WDR72: variants seen among roughly 807,000 people sequenced by gnomAD.
WDR72 encodes the protein WD repeat domain 72.
In WDR72, 120 loss-of-function variants were observed where a neutral mutation model predicts 124.2. The observed-to-expected ratio is 0.97, with a 90% CI of 0.83 to 1.12. The LOEUF (loss-of-function observed/expected upper bound fraction) is 1.12, where lower values mean the gene tolerates loss of function less well. Among genes scored for constraint, WDR72 ranks in the 50% most tolerant of loss-of-function variants. The pLI, the probability that WDR72 is intolerant of heterozygous loss-of-function variation, is 0.00. For synonymous variants in WDR72, 452 were observed against 441.7 expected (o/e 1.02, Z -0.29); for missense variants, 1,387 against 1,278.8 (o/e 1.08, Z -1.29).
chr15:53,731,987 ATAAG>A (rs751437334), intron 2 of WDR72, among the ~76,000 whole-genome samples: 23 of 152,228 alleles, frequency 1.5e-4, no homozygotes, highest in Admixed American at 6.5e-5. Context: ...AACATTAAAA[ATAAG>A]TAAGATATTT....
chr15:53,641,415 A>C (rs528274709), intron 14 of WDR72, among the ~76,000 whole-genome samples: 8 of 152,008 alleles, frequency 5.3e-5, no homozygotes, highest in Non-Finnish European at 1.2e-4. Context: ...TATGTTTGAC[A>C]TCTGAGAAGG....
chr15:53,517,887 A>G (rs555996908), intron 19 of WDR72, 133 bp from the exon 20 acceptor site: 3 of 825,674 alleles, frequency 3.6e-6, no homozygotes, highest in African/African-American at 3.4e-5. Flanking sequence ...GAATGAGGAA[A>G]AAAAGAAAGA....
intron 14 of WDR72, among the ~76,000 whole-genome samples, chr15:53,648,954 A>C (rs2015139885): frequency 6.8e-6 from 1 of 148,132 alleles, no homozygotes; most frequent in Non-Finnish European, 1.5e-5. Context: ...CAGGGCTCCC[A>C]AATTGAGCAA....
chr15:53,662,718 A>G (rs963915608), intron 14 of WDR72, among the ~76,000 whole-genome samples: 9 of 152,108 alleles, frequency 5.9e-5, no homozygotes, highest in African/African-American at 2.2e-4. Flanking sequence ...GGAAACTTAT[A>G]AGCACCCATA....
At chr15:53,538,471 T>C (rs1892880458) in intron 18 of WDR72, among the ~76,000 whole-genome samples, 1 of 152,142 alleles carries the variant, frequency 6.6e-6, no homozygotes, top group South Asian at 2.1e-4. Flanking sequence ...CATTTGACGG[T>C]GTATACATCT....
chr15:53,690,428 C>T (rs1338349648), intron 13 of WDR72, among the ~76,000 whole-genome samples: 1 of 152,150 alleles, frequency 6.6e-6, no homozygotes, highest in Non-Finnish European at 1.5e-5. Flanking sequence ...GTAATCATTC[C>T]CCATTCTCCA....
intron 14 of WDR72, among the ~76,000 whole-genome samples, chr15:53,656,971 A>G (rs1475421135): frequency 6.6e-6 from 1 of 152,078 alleles, no homozygotes; most frequent in Non-Finnish European, 1.5e-5. Flanking sequence ...ATGTTTTTAA[A>G]AAGGAAAAAC....
chr15:53,565,211 G>A (rs1894252646), intron 18 of WDR72, among the ~76,000 whole-genome samples: 1 of 151,844 alleles, frequency 6.6e-6, no homozygotes, highest in Admixed American at 6.6e-5. Context: ...GGGGACTCGA[G>A]GCAGGTGAGT....
At chr15:53,688,701 T>C (rs994530192) in intron 13 of WDR72, among the ~76,000 whole-genome samples, 8 of 152,124 alleles carry the variant, frequency 5.3e-5, no homozygotes, top group Admixed American at 5.2e-4. Flanking sequence ...CTTCACAGAA[T>C]TGGAAAAAAC....
intron 14 of WDR72, among the ~76,000 whole-genome samples, chr15:53,636,990 C>G (rs1365132860): frequency 6.6e-6 from 1 of 152,160 alleles, no homozygotes; most frequent in African/African-American, 2.4e-5. Context: ...TCTTTCACCA[C>G]AAAAAGATCC....
intron 13 of WDR72, among the ~76,000 whole-genome samples, chr15:53,698,293 G>T (rs1265571522): frequency 6.6e-6 from 1 of 152,148 alleles, no homozygotes; most frequent in South Asian, 2.1e-4. Flanking sequence ...ATTCTTGCTG[G>T]ATTCTATCAC....
chr15:53,714,661 T>C, intron 5 of WDR72, 151 bp from the exon 6 acceptor site: 1 of 656,102 alleles, frequency 1.5e-6, no homozygotes, highest in Non-Finnish European at 2.7e-6. Context: ...AAAATAAACA[T>C]TTTACATCGT....
At position 53,663,213 on chromosome 15, in the gene WDR72, A is replaced by G. The variant is rs536737415; in HGVS notation, c.1962+2359T>C. On this transcript the variant is annotated intron_variant, in intron 14 of 19. Coordinates refer to ENST00000360509, the MANE Select transcript of WDR72 (RefSeq NM_182758.4). ...TACCCAGAACATAAATTAAAAAGAT[A>G]TAACTTAGGAGAAGCACAAATAAAT... Among the ~76,000 whole-genome samples the G allele has an allele frequency of 3.9e-5, 6 of 152,238 alleles. No individual in the cohort carries two copies. In the South Asian group the frequency reaches 6.2e-4, roughly 16 times the overall value.
intron 18 of WDR72, among the ~76,000 whole-genome samples, chr15:53,538,807 G>C (rs1247531008): frequency 6.6e-6 from 1 of 152,058 alleles, no homozygotes; most frequent in Non-Finnish European, 1.5e-5. Flanking sequence ...TCACTGCATG[G>C]TTCTGATCCT....
chr15:53,648,558 A>C (rs2015123017), intron 14 of WDR72, among the ~76,000 whole-genome samples: 1 of 152,056 alleles, frequency 6.6e-6, no homozygotes. Flanking sequence ...GCTCACCATT[A>C]AGTAGACCAA....
rs542901365 is a variant in WDR72 at position 53,538,670 on chromosome 15, G to T, written c.3149-15348C>A. Among the ~76,000 whole-genome samples, 84 of 152,224 alleles carry T rather than the reference G, an allele frequency of 5.5e-4. 1 individual carries two copies. The South Asian group carries it at 0.016, about 30-fold the overall frequency. ...AGTTAATTTTAAAGGTGAAAAAATA[G>T]ACTTATTTTGGTTTATTATAAAAAG... On this transcript the variant is annotated intron_variant, in intron 18 of 19. Coordinates refer to ENST00000360509, the MANE Select transcript of WDR72 (RefSeq NM_182758.4).
intron 16 of WDR72, among the ~76,000 whole-genome samples, chr15:53,612,949 G>T (rs75457944): frequency 0.018 from 2,675 of 151,850 alleles, 82 homozygotes; most frequent in African/African-American, 0.061. Flanking sequence ...GGTGTAGGGG[G>T]TGAGAAGCAG....
At chr15:53,559,661 G>A (rs1056936949) in intron 18 of WDR72, among the ~76,000 whole-genome samples, 5 of 151,978 alleles carry the variant, frequency 3.3e-5, no homozygotes, top group Non-Finnish European at 4.4e-5. Context: ...GGAAATTTCC[G>A]TTCCGACAGC....
chr15:53,740,556 A>C (rs2018483427), intron 1 of WDR72, among the ~76,000 whole-genome samples: 1 of 152,118 alleles, frequency 6.6e-6, no homozygotes, highest in African/African-American at 2.4e-5. Flanking sequence ...TCCGCCTCCC[A>C]AAGTGCTGGG....
Sources: gnomAD v4.1 joint callset for allele counts (sites outside exome capture counted in the v4.1 genomes callset) on GRCh38, gnomAD v4.1.1 for gene constraint, MANE v1.5 for transcripts, NCBI Gene and HGNC (gene_info 2026-07-23, HGNC 2026-07-21) for gene names.